ACVR1C: variants seen among roughly 807,000 people sequenced by gnomAD.
ACVR1C encodes the protein activin receptor type-1C.
Under a neutral mutation model 57.9 loss-of-function variants are expected in ACVR1C, and 23 were observed. The observed-to-expected ratio is 0.40, with a 90% CI of 0.29 to 0.56. The LOEUF (loss-of-function observed/expected upper bound fraction) is 0.56, where lower values mean the gene tolerates loss of function less well. Among genes scored for constraint, ACVR1C ranks in the 20% least tolerant of loss-of-function variants. The pLI is 0.50. For synonymous variants in ACVR1C, 214 were observed against 215.3 expected, an observed-to-expected ratio of 0.99 and a Z score of 0.05; for missense variants, 480 against 607.9, an observed-to-expected ratio of 0.79 and a Z score of 2.21.
chr2:157,548,414 A>G (rs1687822074), intron 4 of ACVR1C, among the ~76,000 whole-genome samples: 1 of 147,900 alleles, frequency 6.8e-6, no homozygotes, highest in African/African-American at 2.5e-5. Context: ...TCTTCACAGA[A>G]TTGGAAAAAA....
At position 157,628,697 on chromosome 2, in the gene ACVR1C, GC is replaced by G; in HGVS notation, c.-54del. ...CGAGGCCCCAGAGCAGAGCGAGGCA[GC>G]CGGGGCAGCACGGCCCGCTTTGAAG... On this transcript the variant is annotated 5_prime_UTR_variant, in exon 1 of 9. Transcript: ENST00000243349. 1.4e-6 allele frequency: 2 copies of G among 1,450,520 alleles called. No homozygotes were observed. The highest frequency in any genetic ancestry group is 1.8e-6 in the Non-Finnish European group (2 of 1,096,450). The allele number at this position is 1,450,520 out of a possible 1,614,324, so 89.9% of individuals were successfully genotyped here.
In ACVR1C at chr2:157,531,097, T is replaced by G. The variant is rs893163877; in HGVS notation, c.*2821A>C. ...TTTTTTTTTTTTGCTTATAACAAAA[T>G]GTAAAAGAAATAAATATTACACAAT... On this transcript the variant is annotated 3_prime_UTR_variant, in exon 9 of 9. Transcript: ENST00000243349. 2 of 150,862 alleles carry G rather than the reference T, an allele frequency of 1.3e-5. No individual in the cohort carries two copies. Among genetic ancestry groups the G allele is most frequent in the African/African-American group, 4.9e-5 (2 of 41,000 alleles). 9.3% of individuals were successfully genotyped at this position (150,862 alleles called of 1,614,324 possible). A position where few individuals can be genotyped will look rare whatever the true frequency, so the allele number is the denominator to read the frequency against.
chr2:157,579,717 T>C (rs1333259486), intron 2 of ACVR1C, among the ~76,000 whole-genome samples: 2 of 152,216 alleles, frequency 1.3e-5, no homozygotes, highest in East Asian at 1.9e-4. Flanking sequence ...AGTAGGCTGG[T>C]GACATTGTCA....
At chr2:157,548,093 A>C (rs1687813780) in intron 4 of ACVR1C, among the ~76,000 whole-genome samples, 1 of 151,776 alleles carries the variant, frequency 6.6e-6, no homozygotes, top group Admixed American at 6.6e-5. Flanking sequence ...CAGGATACAA[A>C]ATCAATGTAC....
At chr2:157,555,675 T>C (rs538931053) in intron 3 of ACVR1C, among the ~76,000 whole-genome samples, 1 of 152,160 alleles carries the variant, frequency 6.6e-6, no homozygotes, top group Admixed American at 6.5e-5. Context: ...GAACACTACT[T>C]TGTATAACCA....
intron 4 of ACVR1C, among the ~76,000 whole-genome samples, chr2:157,549,829 CAAAAAAAAA>C (rs1173469291): frequency 2.5e-4 from 12 of 47,544 alleles, no homozygotes; most frequent in Admixed American, 1.0e-3. Context: ...ACTAAAAATA[CAAAAAAAAA>C]AAAAAAAAAA....
chr2:157,599,042 A>G (rs990150949), intron 1 of ACVR1C, among the ~76,000 whole-genome samples: 2 of 152,084 alleles, frequency 1.3e-5, no homozygotes. Context: ...GAAACTGAAA[A>G]AAGCTGAATA....
At position 157,532,529 on chromosome 2, in the gene ACVR1C, G is replaced by T. The variant is rs1031845442; in HGVS notation, c.*1389C>A. 1 of 151,808 alleles carries T rather than the reference G, an allele frequency of 6.6e-6. No individual in the cohort carries two copies. Among genetic ancestry groups the T allele is most frequent in the Non-Finnish European group, 1.5e-5 (1 of 67,890 alleles). The allele number at this position is 151,808 out of a possible 1,614,324, so 9.4% of individuals were successfully genotyped here. A position where few individuals can be genotyped will look rare whatever the true frequency, so the allele number is the denominator to read the frequency against. On this transcript the variant is annotated 3_prime_UTR_variant, in exon 9 of 9. Transcript: ENST00000243349. ...AAGAATGTTCTAAGGAATGGAGTTT[G>T]AAAAAAGATGTTTTAGGAGCATAAA... is the stretch of plus-strand genomic sequence containing the variant.
intron 1 of ACVR1C, among the ~76,000 whole-genome samples, chr2:157,623,598 G>C (rs1160249958): frequency 2.0e-5 from 3 of 152,058 alleles, no homozygotes; most frequent in Admixed American, 6.5e-5. Context: ...AGCAGAGGCT[G>C]GGAAGGGTAG....
At position 157,628,596 on chromosome 2, in the gene ACVR1C, C is replaced by G; in HGVS notation, c.49G>C (p.Ala17Pro). The change falls in exon 1 of 9, where the codon GCA (alanine) becomes CCA (proline). Residue 17 changes from alanine to proline, a missense_variant. Physicochemically the swap from Ala to Pro is conservative, Grantham distance 27. Coordinates refer to ENST00000243349, the MANE Select transcript of ACVR1C (RefSeq NM_145259.3). Reference sequence around the variant, plus strand: ...CCTGGCGAGAGCTCGGCGGCCGCTGCGAGCAGCAGGAGAGCCTGGCGGAGC... The same window carrying G: ...CCTGGCGAGAGCTCGGCGGCCGCTGGGAGCAGCAGGAGAGCCTGGCGGAGC... The part of the protein sequence containing the change: ...SALRQALLLL[A>P]AAAELSPGLK... The G allele has an allele frequency of 6.2e-7, 1 of 1,607,126 alleles. No homozygotes were observed. The highest frequency in any genetic ancestry group is 8.5e-7 in the Non-Finnish European group (1 of 1,177,466).
chr2:157,572,819 G>C (rs1204710430), intron 2 of ACVR1C, among the ~76,000 whole-genome samples: 1 of 152,040 alleles, frequency 6.6e-6, no homozygotes, highest in Middle Eastern at 3.2e-3. Context: ...TTCATTTTAG[G>C]GGGGAAAAAA....
At position 157,538,754 on chromosome 2, in the gene ACVR1C, T is replaced by C. The variant is rs550456086; in HGVS notation, c.1226-51A>G. ...TCCATGTGCAAATAATAAACAAACA[T>C]GTCTATTTTAAATAATACCAATTAA... On this transcript the variant is annotated intron_variant, in intron 7 of 8. Coordinates refer to ENST00000243349, the MANE Select transcript of ACVR1C (RefSeq NM_145259.3). 13 of 1,409,840 alleles carry C rather than the reference T, an allele frequency of 9.2e-6. No homozygotes were observed. The South Asian group carries it at 2.4e-4, about 26-fold the overall frequency. 87.3% of individuals were successfully genotyped at this position (1,409,840 alleles called of 1,614,324 possible). A position where few individuals can be genotyped will look rare whatever the true frequency, so the allele number is the denominator to read the frequency against.
chr2:157,585,688 G>C (rs1008922038), intron 2 of ACVR1C, among the ~76,000 whole-genome samples: 1 of 152,096 alleles, frequency 6.6e-6, no homozygotes, highest in Non-Finnish European at 1.5e-5. Context: ...AACATAAGGA[G>C]ACTTCACTTT....
chr2:157,586,295 A>T (rs1026120127), intron 2 of ACVR1C, among the ~76,000 whole-genome samples: 1 of 152,092 alleles, frequency 6.6e-6, no homozygotes, highest in East Asian at 1.9e-4. Context: ...TAGTTTATTT[A>T]AAAAATAGGT....
rs1029103338 is a variant in ACVR1C, at chr2:157,534,043, C to T, written c.1357G>A (p.Ala453Thr). 6.5e-7 allele frequency: 1 copy of T among 1,541,054 alleles called. No homozygotes were observed. The highest frequency in any genetic ancestry group is 1.3e-5 in the South Asian group (1 of 79,336). The change falls in exon 9 of 9, where the codon GCA becomes ACA. Residue 453 changes from alanine to threonine, a missense_variant and splice_region_variant. Coordinates refer to ENST00000243349, the MANE Select transcript of ACVR1C (RefSeq NM_145259.3). ...SIPNQWQSCE[A>T]LRVMGRIMRE... is the part of the protein sequence containing the mutation. ...ATTATTCTCCCCATGACTCGGAGTG[C>T]CTTTAAGAGAGAAAAAAAAAATCAA...
chr2:157,533,733 G>A lies in ACVR1C; in HGVS notation c.*185C>T, dbSNP rs752548033. On this transcript the variant is annotated 3_prime_UTR_variant, in exon 9 of 9. Transcript: ENST00000243349. ...AAAATTAAACATAACATAGAGATTGGATGAAGTCAACTCCTGCCCATGCTT... is the reference window on the plus strand; with the variant it reads ...AAAATTAAACATAACATAGAGATTGAATGAAGTCAACTCCTGCCCATGCTT... 5 of 388,864 alleles carry A rather than the reference G, an allele frequency of 1.3e-5. No homozygotes were observed. The highest frequency in any genetic ancestry group is 2.1e-5 in the African/African-American group (1 of 47,984). 24.1% of individuals were successfully genotyped at this position (388,864 alleles called of 1,614,324 possible). A position where few individuals can be genotyped will look rare whatever the true frequency, so the allele number is the denominator to read the frequency against.
intron 1 of ACVR1C, among the ~76,000 whole-genome samples, chr2:157,606,246 A>G (rs1682394034): frequency 6.6e-6 from 1 of 151,810 alleles, no homozygotes; most frequent in Non-Finnish European, 1.5e-5. Flanking sequence ...GATTTTGAGT[A>G]GTGCTGTGAT....
intron 2 of ACVR1C, among the ~76,000 whole-genome samples, chr2:157,572,780 C>T (rs1340176998): frequency 6.6e-6 from 1 of 152,134 alleles, no homozygotes; most frequent in Non-Finnish European, 1.5e-5. Flanking sequence ...TTTCAGAGCA[C>T]TTTCCAAACA....
rs1687337342 is a variant in ACVR1C, at chr2:157,530,931, T to C, written c.*2987A>G. On this transcript the variant is annotated 3_prime_UTR_variant, in exon 9 of 9. Transcript: ENST00000243349. Reference sequence around the variant, plus strand: ...TTCTCTTATTTTCAGAAAGTGATGCTGCATTTAAATCCCATCACCACTTTA... The same window carrying C: ...TTCTCTTATTTTCAGAAAGTGATGCCGCATTTAAATCCCATCACCACTTTA... 1 of 152,080 alleles carries C rather than the reference T, an allele frequency of 6.6e-6. No individual in the cohort carries two copies. The highest frequency in any genetic ancestry group is 1.5e-5 in the Non-Finnish European group (1 of 67,950). The allele number at this position is 152,080 out of a possible 1,614,324, so 9.4% of individuals were successfully genotyped here.
Sources: allele counts gnomAD v4.1 joint callset (sites outside exome capture counted in the v4.1 genomes callset), GRCh38; gene constraint gnomAD v4.1.1; transcripts MANE v1.5; gene names NCBI Gene and HGNC (gene_info 2026-07-23, HGNC 2026-07-21).